GPHN: variants seen among roughly 807,000 people sequenced by gnomAD.
GPHN encodes the protein gephyrin.
A neutral mutation model predicts 95.5 loss-of-function variants in GPHN; 17 were observed. The observed-to-expected ratio is 0.18, with a 90% CI of 0.12 to 0.27. The LOEUF is 0.27. Ranked by LOEUF, GPHN falls within the 10% of genes least tolerant of loss-of-function variation. The pLI, the probability that GPHN is intolerant of heterozygous loss-of-function variation, is 1.00. For synonymous variants in GPHN, 320 were observed against 322.5 expected (o/e 0.99, Z 0.08); for missense variants, 660 against 978.1 (o/e 0.67, Z 4.34).
At chr14:67,605,319 T>C in the GPHN span, among the ~76,000 whole-genome samples, 1 of 152,162 alleles carries the variant, frequency 6.6e-6, no homozygotes, top group Non-Finnish European at 1.5e-5. Context: ...GATATTCTCA[T>C]AAATGATGTA....
At chr14:66,918,796 C>T (rs2066050252) in intron 6 of GPHN, among the ~76,000 whole-genome samples, 1 of 152,090 alleles carries the variant, frequency 6.6e-6, no homozygotes, top group Non-Finnish European at 1.5e-5. Flanking sequence ...GACCTCTCCT[C>T]GGTCAAGGTT....
At chr14:67,251,327 G>A in the GPHN span, among the ~76,000 whole-genome samples, 1 of 152,184 alleles carries the variant, frequency 6.6e-6, no homozygotes, top group Non-Finnish European at 1.5e-5. Context: ...GAGCCCAGGA[G>A]TTTGAGACCA....
At chr14:67,690,276 C>T in the GPHN span, 1 of 1,614,122 alleles carries the variant, frequency 6.2e-7, no homozygotes. Flanking sequence ...GACAGTAGGC[C>T]AGGCCTGCAT....
intron 9 of GPHN, among the ~76,000 whole-genome samples, chr14:67,002,213 T>G (rs1168151629): frequency 6.6e-6 from 1 of 151,296 alleles, no homozygotes; most frequent in African/African-American, 2.4e-5. Context: ...GAGGAAGATA[T>G]AGTAATCCCA....
At chr14:67,604,002 G>GTTTT in the GPHN span, among the ~76,000 whole-genome samples, 21 of 147,874 alleles carry the variant, frequency 1.4e-4, no homozygotes, top group African/African-American at 5.0e-4. Context: ...TTTTGTTTTT[G>GTTTT]TTTTTTTTTT....
chr14:67,352,928 T>C, the GPHN span: 1 of 1,601,294 alleles, frequency 6.2e-7, no homozygotes, highest in Admixed American at 1.7e-5. Context: ...TCTACCTCTA[T>C]TATCTTCTTT....
At chr14:67,280,853 T>TTCCCTCCTTCCCTCCC in the GPHN span, among the ~76,000 whole-genome samples, 40 of 77,580 alleles carry the variant, frequency 5.2e-4, no homozygotes, top group East Asian at 0.011. Flanking sequence ...CCTTCCTTCC[T>TTCCCTCCTTCCCTCCC]TCCCTCCCTC....
At chr14:67,134,574 AC>A (rs1321939820) in intron 17 of GPHN, among the ~76,000 whole-genome samples, 1 of 152,178 alleles carries the variant, frequency 6.6e-6, no homozygotes, top group Non-Finnish European at 1.5e-5. Context: ...CAGCCCATTT[AC>A]TGAGTGCCTA....
chr14:66,941,277 G>C (rs1265428183), intron 8 of GPHN, among the ~76,000 whole-genome samples: 1 of 151,736 alleles, frequency 6.6e-6, no homozygotes, highest in Non-Finnish European at 1.5e-5. Flanking sequence ...ATCATGATAG[G>C]ACTGAGTTGT....
chr14:67,620,863 C>A, the GPHN span: 2 of 1,612,844 alleles, frequency 1.2e-6, no homozygotes, highest in Non-Finnish European at 1.7e-6. Context: ...ACCTTCTCTA[C>A]CTCTAATTGT....
In GPHN at chr14:66,635,205, G is replaced by A. The variant is rs1477886302; in HGVS notation, c.65-45902G>A. Among the ~76,000 whole-genome samples the A allele has an allele frequency of 2.0e-5, 3 of 152,148 alleles. No homozygotes were observed. The East Asian group carries it at 5.8e-4, about 29-fold the overall frequency. On this transcript the variant is annotated intron_variant, in intron 1 of 22. Coordinates refer to ENST00000478722, the MANE Select transcript of GPHN (RefSeq NM_020806.5). Reference sequence around the variant, plus strand: ...AAGTGTTATAGGTGACCAATTGGTAGCTGCAGTTTTCTTAAGACAAATCCT... The same window carrying A: ...AAGTGTTATAGGTGACCAATTGGTAACTGCAGTTTTCTTAAGACAAATCCT...
the GPHN span, chr14:67,674,582 A>G: frequency 9.3e-7 from 1 of 1,071,956 alleles, no homozygotes; most frequent in Middle Eastern, 3.3e-4. Flanking sequence ...AGTGGCCATA[A>G]CGGCGACCGC....
Position 67,143,408 on chromosome 14 carries a change from G to A in GPHN, c.1795G>A (p.Asp599Asn). The A allele has an allele frequency of 6.2e-7, 1 of 1,611,232 alleles. No individual in the cohort carries two copies. The highest frequency in any genetic ancestry group is 8.5e-7 in the Non-Finnish European group (1 of 1,177,384). ...CTTGAATGAGGGTATCAGTCGTGCT[G>A]ATGTCATCATCACATCAGGGGGTGT... The part of the protein sequence containing the change: ...NALNEGISRA[D>N]VIITSGGVSM... The change falls in exon 18 of 23, where the codon GAT becomes AAT. Residue 599 changes from aspartate (D) to asparagine (N), a missense_variant. Around this residue, in one of 6 missense-constraint regions of GPHN, gnomAD observed 257 missense variants for 376.2 expected, o/e 0.68. Transcript: ENST00000478722.
At chr14:67,128,786 T>C (rs2079500496) in intron 17 of GPHN, among the ~76,000 whole-genome samples, 1 of 151,068 alleles carries the variant, frequency 6.6e-6, no homozygotes, top group Non-Finnish European at 1.5e-5. Context: ...AATACAAAAA[T>C]TAGCCGGGCG....
intron 1 of GPHN, among the ~76,000 whole-genome samples, chr14:66,676,975 G>T (rs1018551719): frequency 3.2e-4 from 48 of 151,788 alleles, no homozygotes; most frequent in African/African-American, 1.2e-3. Context: ...ACTCATTATT[G>T]ATCTGCTCAG....
intron 12 of GPHN, among the ~76,000 whole-genome samples, chr14:67,090,540 A>G (rs2153669738): frequency 6.6e-6 from 1 of 152,206 alleles, no homozygotes; most frequent in South Asian, 2.1e-4. Flanking sequence ...TCCACAAGAT[A>G]TCTCATTATG....
chr14:66,549,616 A>G (rs1178940978), intron 1 of GPHN, among the ~76,000 whole-genome samples: 14 of 152,212 alleles, frequency 9.2e-5, no homozygotes. Flanking sequence ...TCTAGTTAAG[A>G]TCATTGATTA....
rs530539587 is a variant in GPHN at position 66,950,469 on chromosome 14, GTTCT to G, written c.829-14717_829-14714del. 3.8e-3 allele frequency among the ~76,000 whole-genome samples: 583 copies of G among 152,068 alleles called. 5 individuals are homozygous for G. Among genetic ancestry groups the G allele is most frequent in the African/African-American group, 0.013 (560 of 41,504 alleles). ...AAAGGCCATCAGAGCTAAATTATTT[GTTCT>G]TTCTATTTAAAACAATTTTCCTGAA... On this transcript the variant is annotated intron_variant, in intron 8 of 22. Transcript: ENST00000478722.
the GPHN span, among the ~76,000 whole-genome samples, chr14:67,290,253 G>A: frequency 4.0e-3 from 603 of 152,092 alleles, no homozygotes; most frequent in Middle Eastern, 0.014. Context: ...TACAATAGTC[G>A]AGAAACTTTT....
Sources: allele counts gnomAD v4.1 joint callset (sites outside exome capture counted in the v4.1 genomes callset), GRCh38; gene constraint gnomAD v4.1.1; regional missense constraint gnomAD v4.1.1; transcripts MANE v1.5; gene names NCBI Gene and HGNC (gene_info 2026-07-23, HGNC 2026-07-21).